IL1RAPL1: variants seen among roughly 807,000 people sequenced by gnomAD.
IL1RAPL1 encodes interleukin 1 receptor accessory protein like 1.
Under a neutral mutation model 48.4 loss-of-function variants are expected in IL1RAPL1, and 3 were observed. The ratio of observed to expected loss-of-function variants is 0.06; its 90% CI spans 0.03 to 0.16. The LOEUF is 0.16. Ranked by LOEUF, IL1RAPL1 falls within the 10% of genes least tolerant of loss-of-function variation. IL1RAPL1 has a pLI of 1.00. For missense variants in IL1RAPL1, 349 were observed against 530.6 expected (o/e 0.66, Z 3.36); for synonymous variants, 185 against 187.7 (o/e 0.99, Z 0.12).
intron 2 of IL1RAPL1, among the ~76,000 whole-genome samples, chrX:28,884,077 A>G (rs1028109633): frequency 8.9e-6 from 1 of 111,993 alleles, no homozygotes; most frequent in Non-Finnish European, 1.9e-5. Context: ...CTAATGCTAG[A>G]TGACGAGTTA....
intron 2 of IL1RAPL1, among the ~76,000 whole-genome samples, chrX:29,248,670 A>T (rs1931557461): frequency 8.9e-6 from 1 of 112,437 alleles, no homozygotes; most frequent in Non-Finnish European, 1.9e-5. Context: ...AAGTTAAAAA[A>T]TGGTATAGAG....
intron 2 of IL1RAPL1, among the ~76,000 whole-genome samples, chrX:28,850,899 C>A (rs1217607659): frequency 9.7e-6 from 1 of 102,650 alleles, no homozygotes; most frequent in Non-Finnish European, 2.0e-5. Context: ...GTTGTTGAAC[C>A]TAGCATTCAC....
At chrX:28,798,205 C>A (rs1444782248) in intron 2 of IL1RAPL1, among the ~76,000 whole-genome samples, 1 of 111,330 alleles carries the variant, frequency 9.0e-6, no homozygotes, top group African/African-American at 3.3e-5. Flanking sequence ...GTAGAGATAG[C>A]ATACAGGCAT....
intron 6 of IL1RAPL1, among the ~76,000 whole-genome samples, chrX:29,902,551 C>T (rs781555496): frequency 6.3e-5 from 7 of 110,769 alleles, no homozygotes; most frequent in African/African-American, 1.3e-4. Flanking sequence ...AAGTTCACTG[C>T]GCAGCCCTCT....
rs1426515844 is a variant in IL1RAPL1, at chrX:29,848,455, C to A, written c.779-69009C>A. Among the ~76,000 whole-genome samples, 5 of 108,353 alleles carry A rather than the reference C, an allele frequency of 4.6e-5. 1 individual carries two copies. Among genetic ancestry groups the A allele is most frequent in the African/African-American group, 1.7e-4 (5 of 28,648 alleles). 94.1% of individuals were successfully genotyped at this position (108,353 alleles called of 115,157 possible). On this transcript the variant is annotated intron_variant, in intron 6 of 10. Transcript: ENST00000378993. ...AATATAGCAAAAAAAAAAAAACATCCTATTATTTCATTCCAAAAGCAGTAG... is the reference window on the plus strand; with the variant it reads ...AATATAGCAAAAAAAAAAAAACATCATATTATTTCATTCCAAAAGCAGTAG...
At chrX:29,156,647 A>G (rs1046093072) in intron 2 of IL1RAPL1, among the ~76,000 whole-genome samples, 2 of 111,521 alleles carry the variant, frequency 1.8e-5, no homozygotes, top group African/African-American at 6.5e-5. Flanking sequence ...ATCTGTAGTC[A>G]CAGCCCCTGA....
chrX:29,255,898 G>A (rs757760838), intron 2 of IL1RAPL1, among the ~76,000 whole-genome samples: 1 of 111,417 alleles, frequency 9.0e-6, no homozygotes, highest in African/African-American at 3.3e-5. Flanking sequence ...CTGCTATCAC[G>A]AACAGTGCTG....
chrX:29,571,709 A>T (rs1016181909), intron 5 of IL1RAPL1, among the ~76,000 whole-genome samples: 41 of 111,755 alleles, frequency 3.7e-4, no homozygotes, highest in African/African-American at 1.3e-3. Context: ...TTTGTGGCAT[A>T]CAGTTACATA....
chrX:29,534,604 G>A (rs1921151027), intron 5 of IL1RAPL1, among the ~76,000 whole-genome samples: 1 of 111,281 alleles, frequency 9.0e-6, no homozygotes. Flanking sequence ...GGAGGCCAAG[G>A]CAGGAGGATG....
intron 2 of IL1RAPL1, among the ~76,000 whole-genome samples, chrX:29,245,392 A>T (rs1340390177): frequency 9.0e-6 from 1 of 111,584 alleles, no homozygotes; most frequent in Non-Finnish European, 1.9e-5. Context: ...ACTCCCACCA[A>T]CAGTGTAAAA....
At chrX:29,593,861 C>A (rs1427038170) in intron 5 of IL1RAPL1, among the ~76,000 whole-genome samples, 1 of 112,034 alleles carries the variant, frequency 8.9e-6, no homozygotes, top group Non-Finnish European at 1.9e-5. Flanking sequence ...AGAAATTGCA[C>A]CTCCTATGTG....
At chrX:29,655,527 G>C (rs142052849) in intron 5 of IL1RAPL1, among the ~76,000 whole-genome samples, 1,203 of 109,355 alleles carry the variant, frequency 0.011, 11 homozygotes, top group African/African-American at 0.037. Flanking sequence ...TCCAGGCGTG[G>C]TGGTGGGCGC....
chrX:28,650,087 C>T (rs1934666019), intron 1 of IL1RAPL1, among the ~76,000 whole-genome samples: 1 of 111,894 alleles, frequency 8.9e-6, no homozygotes, highest in Non-Finnish European at 1.9e-5. Context: ...AACCAGGACA[C>T]ATGAAGGATT....
At chrX:29,233,427 G>A (rs1931235986) in intron 2 of IL1RAPL1, among the ~76,000 whole-genome samples, 1 of 111,654 alleles carries the variant, frequency 9.0e-6, no homozygotes, top group African/African-American at 3.3e-5. Flanking sequence ...ATTTTCTTAA[G>A]AATAAAAGAT....
At chrX:29,803,254 C>CACACATGTATATATGTATACATAT (rs1930106029) in intron 6 of IL1RAPL1, among the ~76,000 whole-genome samples, 1 of 29,553 alleles carries the variant, frequency 3.4e-5, no homozygotes, top group African/African-American at 1.6e-4. Context: ...TATACATATA[C>CACACATGTATATATGTATACATAT]ACACATGTAT....
intron 6 of IL1RAPL1, among the ~76,000 whole-genome samples, chrX:29,769,858 G>GCCCA: frequency 1.8e-5 from 2 of 109,325 alleles, no homozygotes; most frequent in Non-Finnish European, 3.8e-5. Flanking sequence ...CTCGTGATCC[G>GCCCA]CCTGTCTTGG....
At chrX:29,387,280 T>C (rs1462053497) in intron 3 of IL1RAPL1, among the ~76,000 whole-genome samples, 2 of 112,336 alleles carry the variant, frequency 1.8e-5, no homozygotes, top group Admixed American at 1.9e-4. Context: ...AGATGAAGAA[T>C]ATCTTGTTTT....
chrX:29,397,730 G>A (rs1933936044), intron 4 of IL1RAPL1, among the ~76,000 whole-genome samples: 1 of 111,522 alleles, frequency 9.0e-6, no homozygotes. Flanking sequence ...GGTATTAGGG[G>A]AATTTGACCC....
intron 5 of IL1RAPL1, among the ~76,000 whole-genome samples, chrX:29,664,273 G>A (rs1332140923): frequency 1.8e-5 from 2 of 110,453 alleles, no homozygotes; most frequent in South Asian, 3.8e-4. Flanking sequence ...GCATGGTGGC[G>A]GGTACCTGTA....
Sources: gnomAD v4.1 joint callset for allele counts (sites outside exome capture counted in the v4.1 genomes callset) on GRCh38, gnomAD v4.1.1 for gene constraint, MANE v1.5 for transcripts, NCBI Gene and HGNC (gene_info 2026-07-23, HGNC 2026-07-21) for gene names.